The following RAPGEF5 variants were observed in gnomAD, a reference collection of about 807,000 sequenced individuals.
The protein encoded by RAPGEF5 is M-Ras-regulated GEF.
In RAPGEF5, 65 loss-of-function variants were observed where a neutral mutation model predicts 125.2. The observed-to-expected ratio is 0.52, with a 90% CI of 0.43 to 0.64. The LOEUF (loss-of-function observed/expected upper bound fraction) is 0.64, where lower values mean the gene tolerates loss of function less well. RAPGEF5 is among the 30% of genes least tolerant of loss of function. RAPGEF5 has a pLI of 0.00. For synonymous variants in RAPGEF5, 391 were observed against 385.9 expected, an observed-to-expected ratio of 1.01 and a Z score of -0.16; for missense variants, 958 against 1,048.1, an observed-to-expected ratio of 0.91 and a Z score of 1.19.
chr7:22,319,821 A>AAGGG (rs1239481614), intron 1 of RAPGEF5, among the ~76,000 whole-genome samples: 4 of 152,066 alleles, frequency 2.6e-5, no homozygotes, highest in Non-Finnish European at 5.9e-5. Context: ...TAATCTAGTT[A>AAGGG]AAGAAAAAGC....
intron 7 of RAPGEF5, among the ~76,000 whole-genome samples, chr7:22,238,417 G>A (rs533514419): frequency 6.6e-6 from 1 of 152,232 alleles, no homozygotes; most frequent in African/African-American, 2.4e-5. Flanking sequence ...AAGGAGAGAG[G>A]TAAAGCACAT....
intron 11 of RAPGEF5, among the ~76,000 whole-genome samples, chr7:22,176,658 A>G (rs1446433565): frequency 6.6e-6 from 1 of 152,104 alleles, no homozygotes; most frequent in Non-Finnish European, 1.5e-5. Context: ...CCTCCTGAAT[A>G]GCTGGGACTA....
chr7:22,243,040 C>T (rs1367574381), intron 7 of RAPGEF5, among the ~76,000 whole-genome samples: 1 of 151,390 alleles, frequency 6.6e-6, no homozygotes, highest in Admixed American at 6.6e-5. Flanking sequence ...TGGGTAGCAA[C>T]TTGTAAGGAC....
chr7:22,221,966 G>T (rs1785801648), intron 8 of RAPGEF5, among the ~76,000 whole-genome samples: 1 of 152,264 alleles, frequency 6.6e-6, no homozygotes, highest in South Asian at 2.1e-4. Flanking sequence ...CAAAGTTCTG[G>T]CCGGGTGCAG....
At chr7:22,181,118 A>T (rs1784659390) in intron 11 of RAPGEF5, among the ~76,000 whole-genome samples, 1 of 152,214 alleles carries the variant, frequency 6.6e-6, no homozygotes, top group African/African-American at 2.4e-5. Flanking sequence ...AATTAGGATG[A>T]AAAGATCACT....
intron 8 of RAPGEF5, among the ~76,000 whole-genome samples, chr7:22,227,124 G>A (rs1368016088): frequency 3.3e-5 from 5 of 151,492 alleles, no homozygotes; most frequent in Non-Finnish European, 4.4e-5. Context: ...TAAAGTAGGG[G>A]GGCCACCAAT....
intron 5 of RAPGEF5, 131 bp from the exon 6 acceptor site, chr7:22,291,372 A>C: frequency 7.3e-7 from 1 of 1,366,124 alleles, no homozygotes. Flanking sequence ...AAAATAACAA[A>C]GGTTGTGACA....
At chr7:22,341,948 C>T (rs1413997777) in intron 1 of RAPGEF5, among the ~76,000 whole-genome samples, 1 of 152,196 alleles carries the variant, frequency 6.6e-6, no homozygotes, top group African/African-American at 2.4e-5. Flanking sequence ...CTTCTTCTCA[C>T]AGCTCCACTA....
At chr7:22,246,653 G>T (rs2128137289) in intron 7 of RAPGEF5, among the ~76,000 whole-genome samples, 1 of 152,092 alleles carries the variant, frequency 6.6e-6, no homozygotes, top group East Asian at 1.9e-4. Flanking sequence ...CACCATTGTG[G>T]ACATTAGCCT....
chr7:22,301,787 T>C (rs1311599044), intron 5 of RAPGEF5, among the ~76,000 whole-genome samples: 1 of 152,068 alleles, frequency 6.6e-6, no homozygotes, highest in Non-Finnish European at 1.5e-5. Context: ...CACACAGTAA[T>C]TACAGATTTT....
chr7:22,131,228 G>C (rs1782906388), intron 23 of RAPGEF5, 127 bp from the exon 24 acceptor site: 1 of 1,221,270 alleles, frequency 8.2e-7, no homozygotes, highest in Non-Finnish European at 1.1e-6. Flanking sequence ...CATGCACTTG[G>C]AGAGGCAATT....
At chr7:22,189,388 CTT>C (rs1036960708) in intron 11 of RAPGEF5, among the ~76,000 whole-genome samples, 3 of 152,202 alleles carry the variant, frequency 2.0e-5, no homozygotes, top group African/African-American at 4.8e-5. Context: ...GCAAAACACA[CTT>C]TATCCTCTCT....
At chr7:22,185,709 T>C (rs1784804160) in intron 11 of RAPGEF5, among the ~76,000 whole-genome samples, 1 of 152,210 alleles carries the variant, frequency 6.6e-6, no homozygotes, top group African/African-American at 2.4e-5. Flanking sequence ...GTTTCAAGTC[T>C]TTGCTTTATC....
Position 22,245,830 on chromosome 7 carries a change from T to C in RAPGEF5, c.797-14911A>G, listed in dbSNP as rs1208055264. On this transcript the variant is annotated intron_variant, in intron 7 of 25. Coordinates refer to ENST00000665637, the MANE Select transcript of RAPGEF5 (RefSeq NM_012294.5). The stretch of plus-strand genomic sequence containing the variant: ...ATCTCTCTTCACTGATACGATTCTA[T>C]ACCTAGAAAATCTCAAAGGCTCCTG... Among the ~76,000 whole-genome samples, 9 of 152,132 alleles carry C rather than the reference T, an allele frequency of 5.9e-5. No homozygotes were observed. In the South Asian group the frequency reaches 1.2e-3, roughly 21 times the overall value.
At chr7:22,220,050 C>T in intron 8 of RAPGEF5, 59 bp from the exon 9 acceptor site, 4 of 1,580,604 alleles carry the variant, frequency 2.5e-6, no homozygotes, top group South Asian at 1.1e-5. Context: ...GGACATGACA[C>T]CACCGCAAAG....
intron 18 of RAPGEF5, among the ~76,000 whole-genome samples, chr7:22,147,798 C>T (rs924717908): frequency 3.9e-5 from 6 of 151,974 alleles, no homozygotes; most frequent in Admixed American, 1.3e-4. Flanking sequence ...CCATTTGAAG[C>T]GTTAGATTTG....
chr7:22,147,338 G>A (rs1257842707), intron 18 of RAPGEF5, among the ~76,000 whole-genome samples: 3 of 152,168 alleles, frequency 2.0e-5, no homozygotes, highest in East Asian at 1.9e-4. Context: ...TAATGAAAGT[G>A]AAAGCCCCGA....
intron 15 of RAPGEF5, among the ~76,000 whole-genome samples, chr7:22,157,097 G>A (rs536098691): frequency 6.6e-6 from 1 of 152,304 alleles, no homozygotes; most frequent in South Asian, 2.1e-4. Flanking sequence ...CCTGGGCTAA[G>A]GCCAGCAGCA....
intron 11 of RAPGEF5, among the ~76,000 whole-genome samples, chr7:22,175,957 CT>C (rs1347972549): frequency 2.0e-5 from 3 of 151,928 alleles, no homozygotes; most frequent in Non-Finnish European, 4.4e-5. Flanking sequence ...ATTGTATTTA[CT>C]TTTTTTTCAT....
Sources: gnomAD v4.1 joint callset for allele counts (sites outside exome capture counted in the v4.1 genomes callset) on GRCh38, gnomAD v4.1.1 for gene constraint, MANE v1.5 for transcripts, NCBI Gene and HGNC (gene_info 2026-07-23, HGNC 2026-07-21) for gene names.